Variants in TMEM129 observed in about 807,000 individuals in gnomAD.
TMEM129 encodes E3 ubiquitin-protein ligase TM129.
TMEM129 carries 35 observed loss-of-function variants against 34.1 expected under a neutral mutation model. That is an observed-to-expected ratio of 1.03 (90% CI 0.78 to 1.36). The LOEUF (loss-of-function observed/expected upper bound fraction) is 1.36, where lower values mean the gene tolerates loss of function less well. Ranked by LOEUF, TMEM129 falls within the 40% of genes most tolerant of loss-of-function variation. The pLI is 0.00. For synonymous variants in TMEM129, 239 were observed against 217.3 expected (o/e 1.10, Z -0.88); for missense variants, 504 against 512.6 (o/e 0.98, Z 0.16).
rs1389133629 is a variant in TMEM129, at chr4:1,718,235, G to A, written c.597C>T (p.Leu199=). 6.2e-7 allele frequency: 1 copy of A among 1,605,432 alleles called. No homozygotes were observed. The highest frequency in any genetic ancestry group is 8.5e-7 in the Non-Finnish European group (1 of 1,176,120). Residue 199 remains leucine, a synonymous_variant, in exon 2 of 4, where the codon CTC becomes CTT. Transcript: ENST00000382936. Reference sequence around the variant, plus strand: ...GCACGGGCAAGTTCGAGTCTGGCGAGAGCTCATGCTGCCGAGACTCCGTCA... The same window carrying A: ...GCACGGGCAAGTTCGAGTCTGGCGAAAGCTCATGCTGCCGAGACTCCGTCA... The part of the protein sequence containing the change: ...LTVTESRQHE[L]SPDSNLPVQL...
Position 1,717,360 on chromosome 4 carries a change from C to G in TMEM129, c.909G>C (p.Glu303Asp). 6.5e-7 allele frequency: 1 copy of G among 1,533,524 alleles called. No individual in the cohort carries two copies. The highest frequency in any genetic ancestry group is 8.8e-7 in the Non-Finnish European group (1 of 1,133,388). The allele number at this position is 1,533,524 out of a possible 1,614,324, so 95.0% of individuals were successfully genotyped here. The change falls in exon 4 of 4, where the codon GAG becomes GAC. Residue 303 changes from glutamate (E) to aspartate (D), a missense_variant. Transcript: ENST00000382936. ...ACTGCTGGCACTCGCCTGTGGCTGC[C>G]TCCTGGCAGGTCTTCACCAGCTTCA... ...ASVKLVKTCQ[E>D]AATGECQQCY...
In TMEM129 at chr4:1,720,869, C is replaced by T; in HGVS notation, c.-32G>A. On this transcript the variant is annotated 5_prime_UTR_variant, in exon 1 of 4. Transcript: ENST00000382936. The surrounding 1 kb of genome is among the most constrained non-coding windows in gnomAD (Gnocchi z 4.4). ...GCCGCCGGGAAGCTGTCGAGCTAGG[C>T]CCCCGCCCCGGCGCGCGGACGAGGC... The T allele has an allele frequency of 1.3e-6, 2 of 1,546,192 alleles. No homozygotes were observed. Among genetic ancestry groups the T allele is most frequent in the Non-Finnish European group, 8.7e-7 (1 of 1,145,174 alleles).
intron 2 of TMEM129, 46 bp from the exon 3 acceptor site, chr4:1,717,721 C>T (rs771725638): frequency 2.2e-5 from 32 of 1,451,986 alleles, no homozygotes; most frequent in African/African-American, 5.7e-5. Flanking sequence ...GCAAAGGGAG[C>T]GGAAGATGGA....
At chr4:1,717,466 ACACCCGTGGGCACC>A (rs1367610232) in intron 3 of TMEM129, 36 bp downstream of exon 3, 1 of 1,493,786 alleles carries the variant, frequency 6.7e-7, no homozygotes, top group Admixed American at 2.1e-5. Context: ...GCCCAGGCAG[ACACCCGTGGGCACC>A]CACCCATCCA....
Position 1,717,241 on chromosome 4 carries a change from CG to C in TMEM129, c.1027del (p.Arg343AlafsTer28). On this transcript the variant is annotated frameshift_variant, in exon 4 of 4. Coordinates refer to ENST00000382936, the MANE Select transcript of TMEM129 (RefSeq NM_001127266.2). LOFTEE classifies it high-confidence loss of function. ...PLRPDTWLAS[R>X]VPCPTCRARF... ...TGCGCGGCAGGTGGGGCAGGGCACG[CG>C]GCTGGCCAGCCAGGTGTCAGGGCGC... The C allele has an allele frequency of 6.6e-7, 1 of 1,512,468 alleles. No homozygotes were observed. The highest frequency in any genetic ancestry group is 8.9e-7 in the Non-Finnish European group (1 of 1,124,518). The allele number at this position is 1,512,468 out of a possible 1,614,324, so 93.7% of individuals were successfully genotyped here.
At position 1,720,401 on chromosome 4, in the gene TMEM129, A is replaced by G. The variant is rs1247021790; in HGVS notation, c.205+232T>C. Among the ~76,000 whole-genome samples the G allele has an allele frequency of 3.3e-5, 5 of 152,216 alleles. No homozygotes were observed. The highest frequency in any genetic ancestry group is 3.3e-4 in the Admixed American group (5 of 15,288). On this transcript the variant is annotated intron_variant, in intron 1 of 3. Transcript: ENST00000382936. This position sits in a 1 kb window ranked among gnomAD's most constrained non-coding sequence, Gnocchi z 4.4. ...GGTTCAGGACTTGGTGGGCCGGAGC[A>G]TCCCTTGCCCAAGGTTCTGAACTTG...
chr4:1,717,758 A>T, intron 2 of TMEM129, 83 bp from the exon 3 acceptor site: 2 of 1,438,242 alleles, frequency 1.4e-6, no homozygotes, highest in Non-Finnish European at 1.8e-6. Context: ...GTGACAGGGC[A>T]GCTGTCGCAC....
chr4:1,718,761 C>A, intron 1 of TMEM129, 135 bp from the exon 2 acceptor site: 3 of 1,411,580 alleles, frequency 2.1e-6, no homozygotes, highest in Non-Finnish European at 1.8e-6. Flanking sequence ...CCACTCTGCA[C>A]TTCCCCAGCC....
At position 1,720,738 on chromosome 4, in the gene TMEM129, G is replaced by A. The variant is rs1317202007; in HGVS notation, c.100C>T (p.Gln34Ter). ...CCCAGCCAGCCCGACAGCAGGTTCT[G>A]CACCGTGAGCCCCGCCGCGTGGAAC... ...NEFHAAGLTV[Q>*]NLLSGWLGSE... The change falls in exon 1 of 4, where the codon CAG becomes TAG. Residue 34 changes from glutamine to a stop codon, truncating the protein, a stop_gained. Transcript: ENST00000382936. LOFTEE classifies it high-confidence loss of function. This position sits in a 1 kb window ranked among gnomAD's most constrained non-coding sequence, Gnocchi z 4.4. The A allele has an allele frequency of 3.2e-6, 5 of 1,573,374 alleles. No homozygotes were observed. The highest frequency in any genetic ancestry group is 1.2e-5 in the South Asian group (1 of 85,670).
intron 1 of TMEM129, among the ~76,000 whole-genome samples, chr4:1,719,927 A>G (rs2854915): frequency 0.4 from 60,281 of 152,044 alleles, 12,357 homozygotes; most frequent in Non-Finnish European, 0.46. Context: ...CAGAGTGGCA[A>G]ACCTGGCCAG....
intron 2 of TMEM129, 114 bp from the exon 3 acceptor site, chr4:1,717,789 G>C: frequency 7.3e-7 from 1 of 1,373,828 alleles, no homozygotes; most frequent in Non-Finnish European, 9.6e-7. Context: ...CAGGAGAGAT[G>C]GCCCTAAGGC....
chr4:1,720,480 C>A lies in TMEM129; in HGVS notation c.205+153G>T, dbSNP rs776547416. ...GCGGCGCCCCTAAGCGCGCTCAGCCCACGCCGCGGTCCCTCTGGATGAGGA... is the reference window on the plus strand; with the variant it reads ...GCGGCGCCCCTAAGCGCGCTCAGCCAACGCCGCGGTCCCTCTGGATGAGGA... On this transcript the variant is annotated intron_variant, in intron 1 of 3. Transcript: ENST00000382936. This position sits in a 1 kb window ranked among gnomAD's most constrained non-coding sequence, Gnocchi z 4.4. Among the ~76,000 whole-genome samples, 5 of 152,266 alleles carry A rather than the reference C, an allele frequency of 3.3e-5. No individual in the cohort carries two copies. Among genetic ancestry groups the A allele is most frequent in the Non-Finnish European group, 7.3e-5 (5 of 68,054 alleles).
Position 1,717,683 on chromosome 4 carries a change from G to A in TMEM129, c.681-8C>T. On this transcript the variant is annotated splice_polypyrimidine_tract_variant and splice_region_variant and intron_variant, in intron 2 of 3. Transcript: ENST00000382936. ...TACTCAGTGGAGTTCAGCCTGCAGG[G>A]AGGAGAGCTGCTGGGCCCCTCTGCA... 2.7e-6 allele frequency: 4 copies of A among 1,497,632 alleles called. No homozygotes were observed. Among genetic ancestry groups the A allele is most frequent in the Non-Finnish European group, 3.6e-6 (4 of 1,117,930 alleles). 92.8% of individuals were successfully genotyped at this position (1,497,632 alleles called of 1,614,324 possible). A position where few individuals can be genotyped will look rare whatever the true frequency, so the allele number is the denominator to read the frequency against.
Position 1,718,256 on chromosome 4 carries a change from C to T in TMEM129, c.576G>A (p.Thr192=), listed in dbSNP as rs941309439. ...GCGAGAGCTCATGCTGCCGAGACTC[C>T]GTCACAGTCAGGTGCACGTCCTGCT... The part of the protein sequence containing the change: ...AQQQDVHLTV[T]ESRQHELSPD... The change falls in exon 2 of 4, where the codon ACG becomes ACA. Residue 192 remains threonine, a synonymous_variant. Transcript: ENST00000382936. 6.2e-6 allele frequency: 10 copies of T among 1,610,196 alleles called. No homozygotes were observed. Among genetic ancestry groups the T allele is most frequent in the East Asian group, 4.5e-5 (2 of 44,742 alleles).
In TMEM129 at chr4:1,718,684, C is replaced by G; in HGVS notation, c.206-58G>C. On this transcript the variant is annotated intron_variant, in intron 1 of 3. Transcript: ENST00000382936. ...TGAGTGGCAGGCCGCTGTCCACCCCCCGACAGCCCTGGACCTGGCCCTCTG... is the reference window on the plus strand; with the variant it reads ...TGAGTGGCAGGCCGCTGTCCACCCCGCGACAGCCCTGGACCTGGCCCTCTG... 2.1e-6 allele frequency: 3 copies of G among 1,432,682 alleles called. No individual in the cohort carries two copies. In the South Asian group the frequency reaches 4.6e-5, roughly 22 times the overall value. The allele number at this position is 1,432,682 out of a possible 1,614,324, so 88.7% of individuals were successfully genotyped here. A position where few individuals can be genotyped will look rare whatever the true frequency, so the allele number is the denominator to read the frequency against.
Position 1,720,937 on chromosome 4 carries a change from C to T in TMEM129, c.-100G>A. The T allele has an allele frequency of 1.9e-6, 2 of 1,051,784 alleles. No individual in the cohort carries two copies. Among genetic ancestry groups the T allele is most frequent in the Non-Finnish European group, 2.5e-6 (2 of 804,602 alleles). 65.2% of individuals were successfully genotyped at this position (1,051,784 alleles called of 1,614,324 possible). On this transcript the variant is annotated 5_prime_UTR_variant, in exon 1 of 4. Transcript: ENST00000382936. This position sits in a 1 kb window ranked among gnomAD's most constrained non-coding sequence, Gnocchi z 4.4. ...GACCTGTCGGTTGCGGCGGCCGCCGCCCGGCCGCCCGCGGGGCACTCTAGG... is the reference window on the plus strand; with the variant it reads ...GACCTGTCGGTTGCGGCGGCCGCCGTCCGGCCGCCCGCGGGGCACTCTAGG...
Position 1,717,664 on chromosome 4 carries a change from G to C in TMEM129, c.692C>G (p.Thr231Ser), listed in dbSNP as rs994512503. Reference protein sequence around the residue: ...VQAFDIWLNSTEYGELCEKLR... With the variant: ...VQAFDIWLNSSEYGELCEKLR... ...CTTCTCGCAGAGCTCCCCGTACTCA[G>C]TGGAGTTCAGCCTGCAGGGAGGAGA... is the stretch of plus-strand genomic sequence containing the variant. The change falls in exon 3 of 4, where the codon ACT becomes AGT. Residue 231 changes from threonine to serine, a missense_variant. Transcript: ENST00000382936. The C allele has an allele frequency of 2.0e-5, 31 of 1,519,804 alleles. No individual in the cohort carries two copies. The highest frequency in any genetic ancestry group is 2.8e-5 in the African/African-American group (2 of 72,282). The allele number at this position is 1,519,804 out of a possible 1,614,324, so 94.1% of individuals were successfully genotyped here.
rs1205359634 is a variant in TMEM129, at chr4:1,720,134, C to T, written c.205+499G>A. Among the ~76,000 whole-genome samples the T allele has an allele frequency of 6.6e-6, 1 of 152,150 alleles. No individual in the cohort carries two copies. Among genetic ancestry groups the T allele is most frequent in the Non-Finnish European group, 1.5e-5 (1 of 68,014 alleles). ...ACCCCCCTGGACAACTCTGAGCGTC[C>T]CACCTGCACTGCACAGAGGCCCTCC... On this transcript the variant is annotated intron_variant, in intron 1 of 3. Coordinates refer to ENST00000382936, the MANE Select transcript of TMEM129 (RefSeq NM_001127266.2). The surrounding 1 kb of genome is among the most constrained non-coding windows in gnomAD (Gnocchi z 4.4).
intron 2 of TMEM129, 152 bp from the exon 3 acceptor site, chr4:1,717,827 G>C: frequency 8.6e-7 from 1 of 1,167,612 alleles, no homozygotes; most frequent in Non-Finnish European, 1.2e-6. Flanking sequence ...GTGCCAGACA[G>C]CCCAGCCTGG....
Sources: gnomAD v4.1 joint callset for allele counts (sites outside exome capture counted in the v4.1 genomes callset) on GRCh38, gnomAD v4.1.1 for gene constraint, Gnocchi (gnomAD v3.1) non-coding constraint, MANE v1.5 for transcripts, NCBI Gene and HGNC (gene_info 2026-07-23, HGNC 2026-07-21) for gene names.